MAN2B1: variants seen among roughly 807,000 people sequenced by gnomAD.
The protein encoded by MAN2B1 is lysosomal alpha-mannosidase.
A neutral mutation model predicts 127.5 loss-of-function variants in MAN2B1; 99 were observed. That is an observed-to-expected ratio of 0.78 (90% CI 0.66 to 0.92). The LOEUF (loss-of-function observed/expected upper bound fraction) is 0.92, where lower values mean the gene tolerates loss of function less well. Ranked by LOEUF, MAN2B1 falls within the 40% of genes least tolerant of loss-of-function variation. The pLI, the probability that MAN2B1 is intolerant of heterozygous loss-of-function variation, is 0.00. For synonymous variants in MAN2B1, 573 were observed against 568.8 expected (o/e 1.01, Z -0.11); for missense variants, 1,304 against 1,384.8 (o/e 0.94, Z 0.93).
chr19:12,657,619 G>A (rs1296562086), intron 10 of MAN2B1, 64 bp from the exon 11 acceptor site: 5 of 1,358,794 alleles, frequency 3.7e-6, no homozygotes, highest in Non-Finnish European at 3.1e-6. Flanking sequence ...AAGGGGAAGC[G>A]AAAGGTCCGG....
At position 12,652,179 on chromosome 19, in the gene MAN2B1, G is replaced by A. The variant is rs770791374; in HGVS notation, c.2020C>T (p.Arg674Cys). ...PNQQKPLPVS[R>C]WAQIHLVKTP... ...TTCACCAGGTGGATCTGAGCCCAGC[G>A]GCTCACAGGCAGCGGTTTCTGTTGG... Residue 674 changes from arginine (R) to cysteine (C), a missense_variant, in exon 16 of 24, where the codon CGC becomes TGC. Arg to Cys is a radical substitution (Grantham distance 180). Transcript: ENST00000456935. The A allele has an allele frequency of 5.1e-5, 82 of 1,613,936 alleles. 1 individual carries two copies. The Middle Eastern group carries it at 6.6e-4, about 13-fold the overall frequency.
At chr19:12,656,360 A>T in intron 13 of MAN2B1, 1 of 484,214 alleles carries the variant, frequency 2.1e-6, no homozygotes, top group Non-Finnish European at 3.7e-6. Flanking sequence ...CCGTCTCAAA[A>T]AAAAAAAAAA....
In MAN2B1 at chr19:12,665,445, G is replaced by A. The variant is rs773985280; in HGVS notation, c.343C>T (p.Arg115Cys). The A allele has an allele frequency of 7.4e-6, 12 of 1,613,956 alleles. No individual in the cohort carries two copies. The highest frequency in any genetic ancestry group is 1.6e-4 in the Middle Eastern group (1 of 6,084). The part of the protein sequence containing the change: ...ISALLADPTR[R>C]FIYVEIAFFS... ...AAGGCAATCTCCACGTAAATGAAGC[G>A]ACGGGTGGGATCTGCCAGCAAGGCA... The change falls in exon 3 of 24, where the codon CGC becomes TGC. Residue 115 changes from arginine to cysteine, a missense_variant. Physicochemically the swap from Arg to Cys is radical, Grantham distance 180 (BLOSUM62 -3). Coordinates refer to ENST00000456935, the MANE Select transcript of MAN2B1 (RefSeq NM_000528.4).
intron 6 of MAN2B1, among the ~76,000 whole-genome samples, chr19:12,662,761 G>A (rs1021027382): frequency 2.6e-5 from 4 of 151,648 alleles, no homozygotes; most frequent in South Asian, 2.1e-4. Flanking sequence ...TCAACATGAC[G>A]AAACCCTGTC....
intron 12 of MAN2B1, 84 bp from the exon 13 acceptor site, chr19:12,656,771 T>C (rs938481039): frequency 1.8e-5 from 21 of 1,154,194 alleles, no homozygotes; most frequent in Non-Finnish European, 2.6e-5. Flanking sequence ...CACCCCTGGC[T>C]GGTCCTAGTG....
chr19:12,646,613 A>G lies in MAN2B1; in HGVS notation c.*7T>C, dbSNP rs573703621. 84 of 1,603,764 alleles carry G rather than the reference A, an allele frequency of 5.2e-5. No homozygotes were observed. Among genetic ancestry groups the G allele is most frequent in the Admixed American group, 3.2e-4 (19 of 59,978 alleles). ...GGCTTGGGCTTGGAGGGCCCATCCC[A>G]GCAGACCTAACCATCCACCTCCTTC... On this transcript the variant is annotated 3_prime_UTR_variant, in exon 24 of 24. Coordinates refer to ENST00000456935, the MANE Select transcript of MAN2B1 (RefSeq NM_000528.4).
Position 12,647,259 on chromosome 19 carries a change from G to A in MAN2B1, c.2897C>T (p.Ser966Phe). The A allele has an allele frequency of 1.2e-6, 2 of 1,614,118 alleles. No individual in the cohort carries two copies. The highest frequency in any genetic ancestry group is 1.7e-6 in the Non-Finnish European group (2 of 1,179,986). ...TGTGTTTGTTGTCCACTTGAGCCTG[G>A]AGGCTGCCTCGCGGAGCTGGTTGGC... ...LVANQLREAA[S>F]RLKWTTNTGP... is the part of the protein sequence containing the mutation. Residue 966 changes from serine (S) to phenylalanine (F), a missense_variant, in exon 23 of 24, where the codon TCC (serine) becomes TTC (phenylalanine). By Grantham distance (155) the Ser-to-Phe change is radical (BLOSUM62 -2). Coordinates refer to ENST00000456935, the MANE Select transcript of MAN2B1 (RefSeq NM_000528.4). The surrounding 1 kb of genome is among the most constrained non-coding windows in gnomAD (Gnocchi z 4.9).
At chr19:12,651,523 C>A (rs1319537536) in intron 16 of MAN2B1, among the ~76,000 whole-genome samples, 2 of 152,208 alleles carry the variant, frequency 1.3e-5, no homozygotes, top group Non-Finnish European at 2.9e-5. Context: ...CTATCTTATT[C>A]TAGTCACAGT....
At chr19:12,652,074 C>G in intron 16 of MAN2B1, 79 bp downstream of exon 16, 1 of 1,083,148 alleles carries the variant, frequency 9.2e-7, no homozygotes, top group South Asian at 1.3e-5. Context: ...TACCCTCACT[C>G]TACACATGGC....
intron 1 of MAN2B1, among the ~76,000 whole-genome samples, 185 bp downstream of exon 1, chr19:12,666,358 A>G (rs2024239790): frequency 6.6e-6 from 1 of 152,156 alleles, no homozygotes; most frequent in African/African-American, 2.4e-5. Flanking sequence ...GTACAATCAG[A>G]CACAGTCCTA....
chr19:12,648,077 C>T, intron 21 of MAN2B1, 98 bp downstream of exon 21: 6 of 1,277,710 alleles, frequency 4.7e-6, no homozygotes, highest in Non-Finnish European at 6.6e-6. Flanking sequence ...TAATTATGGC[C>T]AAATGGATCC....
In MAN2B1 at chr19:12,649,337, C is replaced by G; in HGVS notation, c.2355+4G>C. 6.2e-7 allele frequency: 1 copy of G among 1,612,360 alleles called. No individual in the cohort carries two copies. The highest frequency in any genetic ancestry group is 8.5e-7 in the Non-Finnish European group (1 of 1,178,644). ...TGGGGAGGTGCAGGATGGGGGAGAGCTACCGTGATGTAAATCCGGGTGTTG... is the reference window on the plus strand; with the variant it reads ...TGGGGAGGTGCAGGATGGGGGAGAGGTACCGTGATGTAAATCCGGGTGTTG... On this transcript the variant is annotated splice_donor_region_variant and intron_variant, in intron 19 of 23. Coordinates refer to ENST00000456935, the MANE Select transcript of MAN2B1 (RefSeq NM_000528.4).
At chr19:12,663,971 T>C (rs2024169296) in intron 4 of MAN2B1, 136 bp from the exon 5 acceptor site, 1 of 1,198,082 alleles carries the variant, frequency 8.3e-7, no homozygotes, top group Non-Finnish European at 1.2e-6. Flanking sequence ...CTCTTGCCTA[T>C]GATCCCAGCC....
chr19:12,658,406 G>A (rs1243746717), intron 8 of MAN2B1, 22 bp downstream of exon 8: 1 of 1,614,124 alleles, frequency 6.2e-7, no homozygotes, highest in Non-Finnish European at 8.5e-7. Flanking sequence ...ACCCCCCCAA[G>A]CTCCCCAGTT....
chr19:12,657,483 T>A lies in MAN2B1; in HGVS notation c.1382A>T (p.Tyr461Phe). The change falls in exon 11 of 24, where the codon TAC becomes TTC. Residue 461 changes from tyrosine (Y) to phenylalanine (F), a missense_variant. Coordinates refer to ENST00000456935, the MANE Select transcript of MAN2B1 (RefSeq NM_000528.4). ...GTSRQHVAND[Y>F]ARQLAAGWGP... ...CCAGCCTGCCGCAAGCTGGCGCGCG[T>A]AGTCGTTGGCCACGTGCTGGCGGGA... 6.4e-7 allele frequency: 1 copy of A among 1,567,568 alleles called. No individual in the cohort carries two copies. Among genetic ancestry groups the A allele is most frequent in the Non-Finnish European group, 8.6e-7 (1 of 1,157,056 alleles).
At position 12,650,234 on chromosome 19, in the gene MAN2B1, C is replaced by T. The variant is rs769284524; in HGVS notation, c.2047-12G>A. 72 of 1,558,366 alleles carry T rather than the reference C, an allele frequency of 4.6e-5. 1 individual carries two copies. Among genetic ancestry groups the T allele is most frequent in the Admixed American group, 1.8e-4 (11 of 59,928 alleles). On this transcript the variant is annotated splice_polypyrimidine_tract_variant and intron_variant, in intron 16 of 23. Coordinates refer to ENST00000456935, the MANE Select transcript of MAN2B1 (RefSeq NM_000528.4). ...TGCACCAAGGGTGTCTGCGGGCACA[C>T]GGGTGAGGTGGATGTCAGTCTGTAC...
chr19:12,665,032 TG>T (rs1204551128), intron 3 of MAN2B1, 47 bp from the exon 4 acceptor site: 30 of 1,551,106 alleles, frequency 1.9e-5, no homozygotes, highest in Non-Finnish European at 2.4e-5. Context: ...GAGCCAGGAG[TG>T]GGAGTAGGGT....
Position 12,662,994 on chromosome 19 carries a change from G to A in MAN2B1, c.909+323C>T, listed in dbSNP as rs1308796561. On this transcript the variant is annotated intron_variant, in intron 6 of 23. Transcript: ENST00000456935. ...AATGTTAAAAATAGAGGCCAGGTGC[G>A]GTGGCTCATGCCTGTAATCCCGGCA... Among the ~76,000 whole-genome samples, 6 of 148,774 alleles carry A rather than the reference G, an allele frequency of 4.0e-5. No homozygotes were observed. The East Asian group carries it at 8.0e-4, about 20-fold the overall frequency.
chr19:12,666,587 G>C lies in MAN2B1; in HGVS notation c.115C>G (p.Leu39Val). The C allele has an allele frequency of 6.3e-7, 1 of 1,586,834 alleles. No individual in the cohort carries two copies. The highest frequency in any genetic ancestry group is 8.6e-7 in the Non-Finnish European group (1 of 1,166,800). ...GCACCGGCAGCCGCCAGCAACAAAA[G>C]GAAAAAGCAGAGAGGCGGGAGCGGT... ...RPPLPPLCFF[L>V]LLLAAAGARA... Residue 39 changes from leucine (L) to valine (V), a missense_variant, in exon 1 of 24, where the codon CTT becomes GTT. By Grantham distance (32) the Leu-to-Val change is conservative. Transcript: ENST00000456935.
Sources: allele counts gnomAD v4.1 joint callset (sites outside exome capture counted in the v4.1 genomes callset), GRCh38; gene constraint gnomAD v4.1.1; non-coding constraint Gnocchi (gnomAD v3.1); transcripts MANE v1.5; gene names NCBI Gene and HGNC (gene_info 2026-07-23, HGNC 2026-07-21).